The following UGGT1 variants were observed in gnomAD, a reference collection of about 807,000 sequenced individuals.
The protein encoded by UGGT1 is UDP-glucose:glycoprotein glucosyltransferase 1.
In UGGT1, 107 loss-of-function variants were observed where a neutral mutation model predicts 203.9. The ratio of observed to expected loss-of-function variants is 0.52; its 90% CI spans 0.45 to 0.62. UGGT1 has a LOEUF of 0.62. Among genes scored for constraint, UGGT1 ranks in the 20% least tolerant of loss-of-function variants. The probability of loss-of-function intolerance (pLI) is 0.00; values close to 1 mark genes in which losing one functional copy is unlikely to be tolerated. For synonymous variants in UGGT1, 628 were observed against 653.5 expected (o/e 0.96, Z 0.59); for missense variants, 1,673 against 1,867.2 (o/e 0.90, Z 1.92).
intron 8 of UGGT1, among the ~76,000 whole-genome samples, chr2:128,118,129 A>G (rs1688215394): frequency 6.6e-6 from 1 of 152,088 alleles, no homozygotes; most frequent in African/African-American, 2.4e-5. Context: ...TTTAGAAGAG[A>G]TATCTTAGTT....
At chr2:128,104,485 C>T (rs1347012713) in intron 3 of UGGT1, among the ~76,000 whole-genome samples, 3 of 152,158 alleles carry the variant, frequency 2.0e-5, no homozygotes, top group African/African-American at 7.2e-5. Flanking sequence ...AATGATTATC[C>T]TGTAAAACCT....
intron 29 of UGGT1, among the ~76,000 whole-genome samples, chr2:128,173,547 A>G (rs1174152211): frequency 2.0e-5 from 3 of 152,096 alleles, no homozygotes; most frequent in Non-Finnish European, 2.9e-5. Context: ...CATTTCCATT[A>G]CCCCAAAAAG....
intron 15 of UGGT1, 53 bp from the exon 16 acceptor site, chr2:128,138,664 A>T (rs1429752315): frequency 1.3e-6 from 2 of 1,586,976 alleles, no homozygotes; most frequent in Non-Finnish European, 1.7e-6. Context: ...CATTCTTTTT[A>T]ACCATTTGCA....
chr2:128,178,840 C>T (rs888193535), intron 34 of UGGT1, among the ~76,000 whole-genome samples: 1 of 152,172 alleles, frequency 6.6e-6, no homozygotes, highest in Non-Finnish European at 1.5e-5. Flanking sequence ...TGTTTACTGC[C>T]TGCCAAACAT....
At chr2:128,119,583 A>G in intron 8 of UGGT1, among the ~76,000 whole-genome samples, 1 of 152,268 alleles carries the variant, frequency 6.6e-6, no homozygotes, top group Admixed American at 6.5e-5. Context: ...GATAAAACCC[A>G]GTAACTATGG....
intron 28 of UGGT1, among the ~76,000 whole-genome samples, chr2:128,171,544 G>T (rs1691102895): frequency 6.6e-6 from 1 of 152,138 alleles, no homozygotes; most frequent in African/African-American, 2.4e-5. Context: ...GTCTCGCTCT[G>T]TCGCCCAGAT....
Position 128,127,470 on chromosome 2 carries a change from C to A in UGGT1, c.1226+18C>A. The A allele has an allele frequency of 6.3e-7, 1 of 1,583,136 alleles. No individual in the cohort carries two copies. The highest frequency in any genetic ancestry group is 1.1e-5 in the South Asian group (1 of 88,288). On this transcript the variant is annotated intron_variant, in intron 12 of 40. Transcript: ENST00000259253. ...ATATTCAGGTATGGATAATATTTTT[C>A]ATTCTCTGAAAAGTTTTTGTAATGC...
chr2:128,143,179 T>A lies in UGGT1; in HGVS notation c.1805T>A (p.Val602Glu). The A allele has an allele frequency of 6.2e-7, 1 of 1,613,664 alleles. No individual in the cohort carries two copies. Among genetic ancestry groups the A allele is most frequent in the Non-Finnish European group, 8.5e-7 (1 of 1,179,848 alleles). Residue 602 changes from valine to glutamate, a missense_variant, in exon 17 of 41, where the codon GTG (valine) becomes GAG (glutamate). Around this residue, in one of 4 missense-constraint regions of UGGT1, gnomAD observed 1,073 missense variants for 1,078.7 expected, o/e 0.99. Coordinates refer to ENST00000259253, the MANE Select transcript of UGGT1 (RefSeq NM_020120.4). The stretch of plus-strand genomic sequence containing the variant: ...GAGAAGAAATATCCGTATGTAGAAG[T>A]GAATAGCATTTTGGGGATTGATTCT... ...VLEKKYPYVEVNSILGIDSAY... is the reference protein window; with the variant it reads ...VLEKKYPYVEENSILGIDSAY...
chr2:128,109,517 C>T (rs1558756862), intron 4 of UGGT1, 117 bp from the exon 5 acceptor site: 7 of 820,694 alleles, frequency 8.5e-6, no homozygotes, highest in South Asian at 1.6e-5. Context: ...CTACCACACT[C>T]AGCCAGTTTC....
chr2:128,134,801 C>A (rs1689054357), intron 14 of UGGT1, 75 bp from the exon 15 acceptor site: 1 of 1,348,852 alleles, frequency 7.4e-7, no homozygotes, highest in East Asian at 2.4e-5. Context: ...TGTACAGTGA[C>A]TCATAACATT....
At chr2:128,149,081 C>T (rs1314108598) in intron 18 of UGGT1, among the ~76,000 whole-genome samples, 1 of 152,182 alleles carries the variant, frequency 6.6e-6, no homozygotes, top group East Asian at 2.0e-4. Flanking sequence ...CTCTCTGTCA[C>T]CCAGGCTGGA....
At position 128,127,286 on chromosome 2, in the gene UGGT1, G is replaced by T. The variant is rs904721300; in HGVS notation, c.1135-75G>T. On this transcript the variant is annotated intron_variant, in intron 11 of 40. Transcript: ENST00000259253. ...TAGGATGCCAAGATTTGTACAGGTA[G>T]TGAAGCCCAGAAACAATAAAATTTT... 4 of 1,020,520 alleles carry T rather than the reference G, an allele frequency of 3.9e-6. No homozygotes were observed. The East Asian group carries it at 1.0e-4, about 26-fold the overall frequency. 63.2% of individuals were successfully genotyped at this position (1,020,520 alleles called of 1,614,324 possible).
intron 40 of UGGT1, among the ~76,000 whole-genome samples, chr2:128,188,436 G>A (rs1692101774): frequency 6.6e-6 from 1 of 152,102 alleles, no homozygotes; most frequent in African/African-American, 2.4e-5. Context: ...TCCCTGTTGT[G>A]TGTGTCTTGA....
rs1213266647 is a variant in UGGT1 at position 128,183,744 on chromosome 2, C to CCAAGG, written c.4315_4319dup (p.Leu1441LysfsTer3). 6 of 1,613,952 alleles carry CCAAGG rather than the reference C, an allele frequency of 3.7e-6. No homozygotes were observed. Among genetic ancestry groups the CCAAGG allele is most frequent in the Non-Finnish European group, 5.1e-6 (6 of 1,179,986 alleles). ...CTGGTGACAGACTCAGGGGACAGTA[C>CCAAGG]CAAGGTCTGAGTCAGGACCCTAACA... On this transcript the variant is annotated frameshift_variant, in exon 38 of 41. Transcript: ENST00000259253. LOFTEE classifies it high-confidence loss of function.
intron 31 of UGGT1, among the ~76,000 whole-genome samples, chr2:128,175,745 A>G (rs1691337658): frequency 1.3e-5 from 2 of 152,194 alleles, no homozygotes; most frequent in Non-Finnish European, 1.5e-5. Context: ...GGCCCTTGCC[A>G]GCCCTCCCCT....
At position 128,143,120 on chromosome 2, in the gene UGGT1, A is replaced by C. The variant is rs142665549; in HGVS notation, c.1746A>C (p.Glu582Asp). The C allele has an allele frequency of 1.5e-5, 24 of 1,612,724 alleles. No individual in the cohort carries two copies. In the African/African-American group the frequency reaches 3.1e-4, roughly 21 times the overall value. ...TCTATAACAAGGTGAGGACTGGAGA[A>C]AAAGTGAAAGTTGAACATGTGGTCA... Reference protein sequence around the residue: ...THIYNKVRTGEKVKVEHVVSV... With the variant: ...THIYNKVRTGDKVKVEHVVSV... The change falls in exon 17 of 41, where the codon GAA (glutamate) becomes GAC (aspartate). Residue 582 changes from glutamate to aspartate, a missense_variant. Coordinates refer to ENST00000259253, the MANE Select transcript of UGGT1 (RefSeq NM_020120.4).
chr2:128,097,487 A>C lies in UGGT1; in HGVS notation c.117A>C (p.Ser39=). The part of the protein sequence containing the change: ...VVLTVLWLFS[S]VKADSKAITT... ...TCACTGTTCTGTGGCTGTTCTCCTC[A>C]GTAAAGGCCGACTCAAAAGCCATTA... The change falls in exon 2 of 41, where the codon TCA becomes TCC. Residue 39 remains serine, a synonymous_variant. Transcript: ENST00000259253. 1 of 1,614,210 alleles carries C rather than the reference A, an allele frequency of 6.2e-7. No homozygotes were observed. Among genetic ancestry groups the C allele is most frequent in the Non-Finnish European group, 8.5e-7 (1 of 1,180,034 alleles).
chr2:128,144,127 C>G (rs1266176210), intron 17 of UGGT1, among the ~76,000 whole-genome samples: 1 of 152,188 alleles, frequency 6.6e-6, no homozygotes, highest in Admixed American at 6.5e-5. Context: ...AGGAAAAGTT[C>G]TAACCTACGT....
Position 128,138,743 on chromosome 2 carries a change from A to G in UGGT1, c.1610A>G (p.Asp537Gly). 1 of 1,613,824 alleles carries G rather than the reference A, an allele frequency of 6.2e-7. No homozygotes were observed. Among genetic ancestry groups the G allele is most frequent in the Non-Finnish European group, 8.5e-7 (1 of 1,179,940 alleles). ...ATTGGTTTTATCTTTGTGGTTAATG[A>G]CTCTGAAGATGTTGATGGGATGCAA... is the stretch of plus-strand genomic sequence containing the variant. ...LRIGFIFVVNDSEDVDGMQDA... is the reference protein window; with the variant it reads ...LRIGFIFVVNGSEDVDGMQDA... Residue 537 changes from aspartate to glycine, a missense_variant, in exon 16 of 41, where the codon GAC becomes GGC. By Grantham distance (94) the Asp-to-Gly change is moderately conservative. This residue lies in a region of UGGT1 where 1,073 missense variants were observed against 1,078.7 expected (regional missense o/e 0.99). Transcript: ENST00000259253.
Sources: gnomAD v4.1 joint callset for allele counts (sites outside exome capture counted in the v4.1 genomes callset) on GRCh38, gnomAD v4.1.1 for gene constraint, gnomAD v4.1.1 regional missense constraint, MANE v1.5 for transcripts, NCBI Gene and HGNC (gene_info 2026-07-23, HGNC 2026-07-21) for gene names.